Variants in ATG4B observed in about 807,000 individuals in gnomAD.
ATG4B encodes cysteine protease ATG4B.
Under a neutral mutation model 56.6 loss-of-function variants are expected in ATG4B, and 29 were observed. The ratio of observed to expected loss-of-function variants is 0.51; its 90% CI spans 0.38 to 0.70. The LOEUF (loss-of-function observed/expected upper bound fraction) is 0.70, where lower values mean the gene tolerates loss of function less well. ATG4B is among the 30% of genes least tolerant of loss of function. ATG4B has a pLI of 0.00. For synonymous variants in ATG4B, 224 were observed against 206.1 expected (o/e 1.09, Z -0.74); for missense variants, 461 against 515.5 (o/e 0.89, Z 1.02).
At chr2:241,643,657 T>C (rs1329228348) in intron 1 of ATG4B, among the ~76,000 whole-genome samples, 1 of 94,710 alleles carries the variant, frequency 1.1e-5, no homozygotes, top group East Asian at 4.4e-4. Flanking sequence ...TATAAATATA[T>C]ATATACGTGT....
chr2:241,651,160 A>G lies in ATG4B; in HGVS notation c.112+49A>G, dbSNP rs2068217569. The G allele has an allele frequency of 8.9e-6, 14 of 1,574,478 alleles. No homozygotes were observed. The highest frequency in any genetic ancestry group is 1.1e-5 in the Non-Finnish European group (13 of 1,154,066). On this transcript the variant is annotated intron_variant, in intron 2 of 12. Coordinates refer to ENST00000404914, the MANE Select transcript of ATG4B (RefSeq NM_013325.5). The surrounding 1 kb of genome is among the most constrained non-coding windows in gnomAD (Gnocchi z 4.1). The stretch of plus-strand genomic sequence containing the variant: ...CCTGGTCTGACCGCTTGGCCTGCAG[A>G]AGCATTTTGTGATCACTGTTCTCTG...
chr2:241,671,431 G>A, intron 12 of ATG4B, 26 bp downstream of exon 12: 1 of 1,611,592 alleles, frequency 6.2e-7, no homozygotes, highest in Non-Finnish European at 8.5e-7. Context: ...TCCAGGTGGG[G>A]TCCCTCGGAG....
At position 241,672,878 on chromosome 2, in the gene ATG4B, A is replaced by G. The variant is rs2125153404; in HGVS notation, c.*614A>G. 1 of 161,824 alleles carries G rather than the reference A, an allele frequency of 6.2e-6. No homozygotes were observed. The highest frequency in any genetic ancestry group is 1.4e-5 in the Non-Finnish European group (1 of 73,020). The allele number at this position is 161,824 out of a possible 1,614,324, so 10.0% of individuals were successfully genotyped here. On this transcript the variant is annotated 3_prime_UTR_variant, in exon 13 of 13. Transcript: ENST00000404914. ...GCTTTGGGGAGAAAAGTATTCAGGA[A>G]GTGGGTGTGTGGGAAACCTGAAGAT...
intron 12 of ATG4B, chr2:241,671,718 G>T: frequency 2.3e-6 from 3 of 1,323,780 alleles, no homozygotes; most frequent in Non-Finnish European, 2.9e-6. Context: ...TGGTGACGCA[G>T]TCCTGGGTGG....
chr2:241,663,823 T>G (rs142987258), intron 7 of ATG4B, among the ~76,000 whole-genome samples: 5,207 of 151,798 alleles, frequency 0.034, 307 homozygotes, highest in African/African-American at 0.12. Context: ...TTTTTTTTTT[T>G]TTTTGGAACA....
At chr2:241,657,843 C>T (rs1472383114) in intron 6 of ATG4B, among the ~76,000 whole-genome samples, 2 of 152,226 alleles carry the variant, frequency 1.3e-5, no homozygotes, top group Admixed American at 6.5e-5. Flanking sequence ...TGCCTTGAAC[C>T]GCCCTGGCTC....
At chr2:241,648,174 G>A (rs941923350) in intron 1 of ATG4B, among the ~76,000 whole-genome samples, 2 of 152,124 alleles carry the variant, frequency 1.3e-5, no homozygotes, top group Non-Finnish European at 2.9e-5. Flanking sequence ...GTAATCATGT[G>A]CAGAAACAAG....
rs561954424 is a variant in ATG4B at position 241,651,909 on chromosome 2, G to A, written c.184+574G>A. 2 of 1,304,114 alleles carry A rather than the reference G, an allele frequency of 1.5e-6. No homozygotes were observed. The highest frequency in any genetic ancestry group is 2.3e-5 in the Admixed American group (1 of 43,568). The allele number at this position is 1,304,114 out of a possible 1,614,324, so 80.8% of individuals were successfully genotyped here. ...CCATTCATCATTGTTGTATACCCTG[G>A]AGCTGGAAGGAGATGGGGACTGGTT... On this transcript the variant is annotated intron_variant, in intron 3 of 12. Coordinates refer to ENST00000404914, the MANE Select transcript of ATG4B (RefSeq NM_013325.5). The surrounding 1 kb of genome is among the most constrained non-coding windows in gnomAD (Gnocchi z 4.1).
chr2:241,672,516 G>T lies in ATG4B; in HGVS notation c.*252G>T. 1 of 555,006 alleles carries T rather than the reference G, an allele frequency of 1.8e-6. No homozygotes were observed. The highest frequency in any genetic ancestry group is 3.2e-6 in the Non-Finnish European group (1 of 309,828). The allele number at this position is 555,006 out of a possible 1,614,324, so 34.4% of individuals were successfully genotyped here. A position where few individuals can be genotyped will look rare whatever the true frequency, so the allele number is the denominator to read the frequency against. On this transcript the variant is annotated 3_prime_UTR_variant, in exon 13 of 13. Coordinates refer to ENST00000404914, the MANE Select transcript of ATG4B (RefSeq NM_013325.5). Reference sequence around the variant, plus strand: ...CGGAGCCGTCTGTTAGGAGCTTCCAGAGTGTTCTCTCGACACTGCCAGCCC... The same window carrying T: ...CGGAGCCGTCTGTTAGGAGCTTCCATAGTGTTCTCTCGACACTGCCAGCCC...
At chr2:241,663,919 C>T (rs1343345925) in intron 7 of ATG4B, among the ~76,000 whole-genome samples, 1 of 152,020 alleles carries the variant, frequency 6.6e-6, no homozygotes, top group Non-Finnish European at 1.5e-5. Context: ...AAGTGATTCC[C>T]CTGCCTCAGC....
In ATG4B at chr2:241,668,504, C is replaced by T. The variant is rs367647094; in HGVS notation, c.812-36C>T. On this transcript the variant is annotated intron_variant, in intron 9 of 12. Transcript: ENST00000404914. This position sits in a 1 kb window ranked among gnomAD's most constrained non-coding sequence, Gnocchi z 4.2. ...CCTCTGTCCCTTTCCTCTGCCGGCT[C>T]GGCCACCCACCTGCCCACCTGCCTC... 4.3e-5 allele frequency: 69 copies of T among 1,594,930 alleles called. No homozygotes were observed. Among genetic ancestry groups the T allele is most frequent in the African/African-American group, 2.3e-4 (17 of 74,656 alleles).
Position 241,673,702 on chromosome 2 carries a change from C to A in ATG4B, c.*1438C>A. On this transcript the variant is annotated 3_prime_UTR_variant, in exon 13 of 13. Coordinates refer to ENST00000404914, the MANE Select transcript of ATG4B (RefSeq NM_013325.5). Reference sequence around the variant, plus strand: ...TCCGAGTTCATGGTGCGCCGCTGTGCTGGGAGCTGCAGTGGTAATGTGTGG... The same window carrying A: ...TCCGAGTTCATGGTGCGCCGCTGTGATGGGAGCTGCAGTGGTAATGTGTGG... The A allele has an allele frequency of 2.2e-6, 1 of 455,878 alleles. No homozygotes were observed. The highest frequency in any genetic ancestry group is 4.4e-6 in the Non-Finnish European group (1 of 227,080). 28.2% of individuals were successfully genotyped at this position (455,878 alleles called of 1,614,324 possible).
chr2:241,637,741 G>C lies in ATG4B; in HGVS notation c.10+17G>C, dbSNP rs766173442. ...TGGACGCAGGTGAGGAGTTGCCGGG[G>C]GTCGGTCTTTCCGCAGGAGGTGCTC... On this transcript the variant is annotated intron_variant, in intron 1 of 12. Coordinates refer to ENST00000404914, the MANE Select transcript of ATG4B (RefSeq NM_013325.5). 2 of 1,572,522 alleles carry C rather than the reference G, an allele frequency of 1.3e-6. No homozygotes were observed. The highest frequency in any genetic ancestry group is 1.7e-6 in the Non-Finnish European group (2 of 1,163,228).
chr2:241,644,119 G>C (rs1466126978), intron 1 of ATG4B, among the ~76,000 whole-genome samples: 4 of 152,014 alleles, frequency 2.6e-5, no homozygotes, highest in African/African-American at 9.7e-5. Context: ...GGCTGAGGTG[G>C]GTGGATCACT....
chr2:241,653,625 T>C lies in ATG4B; in HGVS notation c.283+15T>C, dbSNP rs1277116355. ...CCTAGGCCGAGGTGAGTCACAGCCC[T>C]GGGGAGGGCGCATGGCCACGGTGTT... On this transcript the variant is annotated intron_variant, in intron 4 of 12. Transcript: ENST00000404914. 6.4e-7 allele frequency: 1 copy of C among 1,556,910 alleles called. No homozygotes were observed. Among genetic ancestry groups the C allele is most frequent in the South Asian group, 1.2e-5 (1 of 84,330 alleles).
In ATG4B at chr2:241,651,800, C is replaced by T; in HGVS notation, c.184+465C>T. Reference sequence around the variant, plus strand: ...TAGCCCTCATCTTTTTTAGTATTTTCCACACTTAACCTGTGGGGAGATTTG... The same window carrying T: ...TAGCCCTCATCTTTTTTAGTATTTTTCACACTTAACCTGTGGGGAGATTTG... On this transcript the variant is annotated intron_variant, in intron 3 of 12. Coordinates refer to ENST00000404914, the MANE Select transcript of ATG4B (RefSeq NM_013325.5). This position sits in a 1 kb window ranked among gnomAD's most constrained non-coding sequence, Gnocchi z 4.1. The T allele has an allele frequency of 5.3e-6, 5 of 938,982 alleles. No homozygotes were observed. The highest frequency in any genetic ancestry group is 7.5e-6 in the Non-Finnish European group (5 of 665,788). The allele number at this position is 938,982 out of a possible 1,614,324, so 58.2% of individuals were successfully genotyped here.
chr2:241,644,470 GC>G (rs2068003117), intron 1 of ATG4B, among the ~76,000 whole-genome samples: 2 of 152,202 alleles, frequency 1.3e-5, no homozygotes, highest in South Asian at 4.1e-4. Context: ...TGGTGGCTGT[GC>G]CCCATTTCAT....
chr2:241,662,793 C>A (rs138880372), intron 7 of ATG4B, among the ~76,000 whole-genome samples: 1 of 149,960 alleles, frequency 6.7e-6, no homozygotes, highest in African/African-American at 2.5e-5. Context: ...ATCAATAAAG[C>A]GGGCCGGGCG....
intron 3 of ATG4B, 55 bp from the exon 4 acceptor site, chr2:241,653,457 G>A (rs2068282512): frequency 6.4e-7 from 1 of 1,552,134 alleles, no homozygotes; most frequent in East Asian, 2.4e-5. Context: ...CAGTGGGCTT[G>A]TGGCCTGTGG....
Sources: allele counts gnomAD v4.1 joint callset (sites outside exome capture counted in the v4.1 genomes callset), GRCh38; gene constraint gnomAD v4.1.1; non-coding constraint Gnocchi (gnomAD v3.1); transcripts MANE v1.5; gene names NCBI Gene and HGNC (gene_info 2026-07-23, HGNC 2026-07-21).